Variants in GOSR1 observed in about 807,000 individuals in gnomAD.
GOSR1 encodes golgi SNAP receptor complex member 1.
A neutral mutation model predicts 35.5 loss-of-function variants in GOSR1; 21 were observed. That is an observed-to-expected ratio of 0.59 (90% CI 0.42 to 0.85). GOSR1 has a LOEUF of 0.85. Ranked by LOEUF, GOSR1 falls within the 40% of genes least tolerant of loss-of-function variation. GOSR1 has a pLI of 0.00. For synonymous variants in GOSR1, 94 were observed against 106.6 expected (o/e 0.88, Z 0.73); for missense variants, 285 against 309.6 (o/e 0.92, Z 0.60).
intron 1 of GOSR1, 124 bp downstream of exon 1, chr17:30,477,588 G>A: frequency 2.8e-6 from 4 of 1,404,444 alleles, no homozygotes; most frequent in South Asian, 1.5e-5. Flanking sequence ...GAGCAGCGGG[G>A]CTTGCCTAAG....
At chr17:30,484,397 T>A (rs759180060) in intron 3 of GOSR1, 96 bp downstream of exon 3, 3 of 810,722 alleles carry the variant, frequency 3.7e-6, no homozygotes, top group Non-Finnish European at 6.6e-6. Flanking sequence ...TTATTGAAAT[T>A]ATCCATTCCA....
At position 30,481,215 on chromosome 17, in the gene GOSR1, C is replaced by T. The variant is rs766994433; in HGVS notation, c.104C>T (p.Thr35Ile). The change falls in exon 2 of 9, where the codon ACA (threonine) becomes ATA (isoleucine). Residue 35 changes from threonine to isoleucine, a missense_variant. Physicochemically the swap from Thr to Ile is moderately conservative, Grantham distance 89. This residue lies in a region of GOSR1 where 108 missense variants were observed against 98.9 expected (regional missense o/e 1.09). Coordinates refer to ENST00000451249, the MANE Select transcript of GOSR1 (RefSeq NM_001007025.2). ...CTAGTTTCCTTCAGCAAACTATGTA[C>T]AAGTTACAGTCATAGCAGTACCCGA... ...LKLVSFSKLC[T>I]SYSHSSTRDG... 4 of 1,604,716 alleles carry T rather than the reference C, an allele frequency of 2.5e-6. No individual in the cohort carries two copies. Among genetic ancestry groups the T allele is most frequent in the Non-Finnish European group, 3.4e-6 (4 of 1,171,604 alleles).
chr17:30,478,011 C>T, intron 1 of GOSR1: 1 of 787,132 alleles, frequency 1.3e-6, no homozygotes, highest in Admixed American at 6.2e-5. Context: ...ACTTCCAGGA[C>T]TGGGTGTTTG....
In GOSR1 at chr17:30,490,215, T is replaced by C. The variant is rs1158862635; in HGVS notation, c.432T>C (p.Ile144=). 4.3e-6 allele frequency: 6 copies of C among 1,384,226 alleles called. No individual in the cohort carries two copies. The highest frequency in any genetic ancestry group is 6.2e-6 in the Non-Finnish European group (6 of 971,246). The allele number at this position is 1,384,226 out of a possible 1,614,324, so 85.7% of individuals were successfully genotyped here. A position where few individuals can be genotyped will look rare whatever the true frequency, so the allele number is the denominator to read the frequency against. Reference sequence around the variant, plus strand: ...TTATGGGATCAGTACGAAAAGATATTGAGTAAGTTACTTTTTATATTATTT... The same window carrying C: ...TTATGGGATCAGTACGAAAAGATATCGAGTAAGTTACTTTTTATATTATTT... The part of the protein sequence containing the change: ...ENLMGSVRKD[I]ESYKSGSGVN... The change falls in exon 5 of 9, where the codon ATT becomes ATC. Residue 144 remains isoleucine, a splice_region_variant and synonymous_variant. Transcript: ENST00000451249.
chr17:30,477,637 G>A (rs1914027332), intron 1 of GOSR1, 173 bp downstream of exon 1: 1 of 984,496 alleles, frequency 1.0e-6, no homozygotes. Context: ...AACGGTCTGG[G>A]GTAGGGGTCT....
Position 30,526,190 on chromosome 17 carries a change from A to C in GOSR1, c.*3812A>C, listed in dbSNP as rs541350978. On this transcript the variant is annotated 3_prime_UTR_variant, in exon 9 of 9. Coordinates refer to ENST00000451249, the MANE Select transcript of GOSR1 (RefSeq NM_001007025.2). Reference sequence around the variant, plus strand: ...TTAGTTACTTGTTAATGCTAGTCACAGCCAGGAGGTCAGAAGGAATTTTCT... The same window carrying C: ...TTAGTTACTTGTTAATGCTAGTCACCGCCAGGAGGTCAGAAGGAATTTTCT... The C allele has an allele frequency of 2.6e-5, 4 of 152,348 alleles. No individual in the cohort carries two copies. The East Asian group carries it at 7.7e-4, about 29-fold the overall frequency. The allele number at this position is 152,348 out of a possible 1,614,324, so 9.4% of individuals were successfully genotyped here.
intron 6 of GOSR1, chr17:30,510,614 T>C: frequency 4.4e-6 from 1 of 226,168 alleles, no homozygotes; most frequent in Admixed American, 5.8e-5. Context: ...TTTGGGAAGC[T>C]GAGGCAGGAG....
intron 6 of GOSR1, among the ~76,000 whole-genome samples, chr17:30,500,160 G>A (rs1967149439): frequency 6.6e-6 from 1 of 152,108 alleles, no homozygotes; most frequent in South Asian, 2.1e-4. Flanking sequence ...TTTCAAAAGA[G>A]CCGAGGTTTT....
rs757883311 is a variant in GOSR1, at chr17:30,519,978, A to G, written c.579A>G (p.Arg193=). Reference sequence around the variant, plus strand: ...CAAAAGAAAATATGACTTCACAGAGAGGAATGTTGAAGTCAATTCACAGCA... The same window carrying G: ...CAAAAGAAAATATGACTTCACAGAGGGGAATGTTGAAGTCAATTCACAGCA... ...MATKENMTSQ[R]GMLKSIHSKM... Residue 193 remains arginine, a synonymous_variant, in exon 8 of 9, where the codon AGA becomes AGG. Coordinates refer to ENST00000451249, the MANE Select transcript of GOSR1 (RefSeq NM_001007025.2). 16 of 1,610,304 alleles carry G rather than the reference A, an allele frequency of 9.9e-6. No homozygotes were observed. The highest frequency in any genetic ancestry group is 8.3e-5 in the Admixed American group (5 of 59,914).
At chr17:30,519,359 TTTAGCCACGTTTAATGAGTCTGTGA>T (rs1967940285) in intron 7 of GOSR1, among the ~76,000 whole-genome samples, 1 of 152,218 alleles carries the variant, frequency 6.6e-6, no homozygotes, top group African/African-American at 2.4e-5. Flanking sequence ...ACCCAGCTGT[TTTAGCCACGTTTAATGAGTCTGTGA>T]CCTTTGTCAG....
At chr17:30,484,006 A>G (rs1377453270) in intron 2 of GOSR1, among the ~76,000 whole-genome samples, 2 of 152,238 alleles carry the variant, frequency 1.3e-5, no homozygotes, top group African/African-American at 4.8e-5. Flanking sequence ...TCTTGGTAAG[A>G]GTCAAGGAAA....
chr17:30,504,298 A>C (rs1431266587), intron 6 of GOSR1, among the ~76,000 whole-genome samples: 3 of 152,254 alleles, frequency 2.0e-5, no homozygotes, highest in East Asian at 3.9e-4. Flanking sequence ...AAGTGCTGGA[A>C]TTACAGGTGT....
chr17:30,517,509 C>T (rs371622546), intron 7 of GOSR1, among the ~76,000 whole-genome samples: 7 of 152,104 alleles, frequency 4.6e-5, no homozygotes, highest in African/African-American at 9.7e-5. Context: ...AGAAATAATA[C>T]TAACTCATCC....
intron 8 of GOSR1, among the ~76,000 whole-genome samples, chr17:30,520,923 T>TTA (rs1968006161): frequency 1.3e-5 from 2 of 152,210 alleles, no homozygotes; most frequent in African/African-American, 4.8e-5. Context: ...CAGAGTGCTG[T>TTA]TATATACATT....
At chr17:30,487,345 C>G (rs937336635) in intron 4 of GOSR1, among the ~76,000 whole-genome samples, 11 of 152,086 alleles carry the variant, frequency 7.2e-5, no homozygotes, top group African/African-American at 2.4e-4. Flanking sequence ...AAAAAGAAAC[C>G]ATAAAGCAGA....
rs939854226 is a variant in GOSR1 at position 30,492,854 on chromosome 17, G to A, written c.509+101G>A. Reference sequence around the variant, plus strand: ...TGATGTTTATTATACTGAGTGCCTTGTCCATGCTAATTCATTTTATTCTCC... The same window carrying A: ...TGATGTTTATTATACTGAGTGCCTTATCCATGCTAATTCATTTTATTCTCC... On this transcript the variant is annotated intron_variant, in intron 6 of 8. Coordinates refer to ENST00000451249, the MANE Select transcript of GOSR1 (RefSeq NM_001007025.2). 1.1e-5 allele frequency: 8 copies of A among 710,274 alleles called. No homozygotes were observed. The Admixed American group carries it at 1.8e-4, about 16-fold the overall frequency. The allele number at this position is 710,274 out of a possible 1,614,324, so 44.0% of individuals were successfully genotyped here.
chr17:30,506,748 G>A (rs1410029928), intron 6 of GOSR1, among the ~76,000 whole-genome samples: 1 of 152,190 alleles, frequency 6.6e-6, no homozygotes, highest in Non-Finnish European at 1.5e-5. Flanking sequence ...TCCTAGAGAC[G>A]AGAAGTCAGT....
intron 6 of GOSR1, among the ~76,000 whole-genome samples, chr17:30,496,223 C>A (rs1262077390): frequency 2.6e-5 from 4 of 152,170 alleles, no homozygotes; most frequent in Non-Finnish European, 5.9e-5. Context: ...TTTGACTCTT[C>A]AGCCATCCGG....
chr17:30,494,458 T>C (rs894450413), intron 6 of GOSR1, among the ~76,000 whole-genome samples: 1 of 152,224 alleles, frequency 6.6e-6, no homozygotes, highest in Non-Finnish European at 1.5e-5. Context: ...TACATTCTCA[T>C]AGGGTTTTTA....
Sources: allele counts gnomAD v4.1 joint callset (sites outside exome capture counted in the v4.1 genomes callset), GRCh38; gene constraint gnomAD v4.1.1; regional missense constraint gnomAD v4.1.1; transcripts MANE v1.5; gene names NCBI Gene and HGNC (gene_info 2026-07-23, HGNC 2026-07-21).